Variants in PTPRN2 observed in about 807,000 individuals in gnomAD.
The protein encoded by PTPRN2 is protein tyrosine phosphatase receptor type N2.
A neutral mutation model predicts 118.8 loss-of-function variants in PTPRN2; 74 were observed. That is an observed-to-expected ratio of 0.62 (90% CI 0.52 to 0.76). The LOEUF (loss-of-function observed/expected upper bound fraction) is 0.76. Ranked by LOEUF, PTPRN2 falls within the 30% of genes least tolerant of loss-of-function variation. PTPRN2 has a pLI of 0.00. For missense variants in PTPRN2, 1,481 were observed against 1,394.4 expected (o/e 1.06, Z -0.99); for synonymous variants, 641 against 608.0 (o/e 1.05, Z -0.80).
At chr7:158,384,009 C>A (rs1811147552) in intron 2 of PTPRN2, among the ~76,000 whole-genome samples, 2 of 152,284 alleles carry the variant, frequency 1.3e-5, no homozygotes, top group East Asian at 3.9e-4. Context: ...CTGTTGAGAA[C>A]CTTGACCATT....
At chr7:158,347,789 A>T (rs1202462533) in intron 2 of PTPRN2, among the ~76,000 whole-genome samples, 1 of 152,184 alleles carries the variant, frequency 6.6e-6, no homozygotes, top group Admixed American at 6.5e-5. Flanking sequence ...TCACCATCTC[A>T]TAGTTTTCAG....
At chr7:158,249,096 A>C (rs144833056) in intron 3 of PTPRN2, among the ~76,000 whole-genome samples, 14 of 151,492 alleles carry the variant, frequency 9.2e-5, no homozygotes, top group Non-Finnish European at 1.0e-4. Context: ...ACACATATGC[A>C]CACATCACAC....
At chr7:158,018,675 A>T (rs1327177984) in intron 11 of PTPRN2, among the ~76,000 whole-genome samples, 1 of 152,152 alleles carries the variant, frequency 6.6e-6, no homozygotes, top group African/African-American at 2.4e-5. Flanking sequence ...AATATAAGAA[A>T]GTAGGCCAGG....
At position 158,150,583 on chromosome 7, in the gene PTPRN2, C is replaced by A. The variant is rs148258215; in HGVS notation, c.911-12068G>T. Among the ~76,000 whole-genome samples, 1,212 of 152,214 alleles carry A rather than the reference C, an allele frequency of 8.0e-3. 6 individuals carry two copies. Among genetic ancestry groups the A allele is most frequent in the Non-Finnish European group, 0.011 (722 of 67,990 alleles). ...TGGGCATTTCTAGAAGGTCAAGGAG[C>A]ATCTATATGGAAAGACCTTTTCTCC... On this transcript the variant is annotated intron_variant, in intron 6 of 22. Coordinates refer to ENST00000389418, the MANE Select transcript of PTPRN2 (RefSeq NM_002847.5).
chr7:157,875,275 T>C (rs1795687128), intron 12 of PTPRN2, among the ~76,000 whole-genome samples: 1 of 152,152 alleles, frequency 6.6e-6, no homozygotes, highest in African/African-American at 2.4e-5. Flanking sequence ...GGGGGCTCCT[T>C]CTTCAAACAA....
intron 13 of PTPRN2, among the ~76,000 whole-genome samples, chr7:157,680,647 C>T (rs1019420175): frequency 5.9e-5 from 9 of 152,220 alleles, no homozygotes; most frequent in African/African-American, 1.9e-4. Flanking sequence ...AGAACTTTCT[C>T]ACCGGGAAAC....
intron 2 of PTPRN2, among the ~76,000 whole-genome samples, chr7:158,412,861 G>A (rs1304376589): frequency 7.1e-6 from 1 of 140,764 alleles, no homozygotes; most frequent in African/African-American, 2.7e-5. Flanking sequence ...CTCAGCACCA[G>A]GGCCCATCTC....
chr7:158,321,476 A>G (rs913865426), intron 2 of PTPRN2, among the ~76,000 whole-genome samples: 6 of 151,968 alleles, frequency 3.9e-5, no homozygotes, highest in Admixed American at 3.3e-4. Flanking sequence ...GCCCGGACTG[A>G]CCCGTCCAGC....
intron 12 of PTPRN2, among the ~76,000 whole-genome samples, chr7:157,775,200 G>A (rs1803123945): frequency 6.6e-6 from 1 of 152,194 alleles, no homozygotes; most frequent in African/African-American, 2.4e-5. Context: ...CCACTCTGCA[G>A]GACGCCGTGT....
At chr7:158,351,884 CTG>C in intron 2 of PTPRN2, among the ~76,000 whole-genome samples, 2 of 86,754 alleles carry the variant, frequency 2.3e-5, no homozygotes, top group South Asian at 8.3e-4. Context: ...CCCCTCCTGT[CTG>C]CTCGCCTCCT....
intron 11 of PTPRN2, chr7:158,030,173 A>G (rs1167404549): frequency 6.6e-6 from 1 of 152,168 alleles, no homozygotes; most frequent in African/African-American, 2.4e-5. Context: ...CCGCCTGGTG[A>G]CCTCATTTCC....
chr7:158,340,877 ACT>A (rs1806618046), intron 2 of PTPRN2, among the ~76,000 whole-genome samples: 1 of 85,018 alleles, frequency 1.2e-5, no homozygotes, highest in African/African-American at 4.4e-5. Context: ...TCACACCCAC[ACT>A]CTCACCATAA....
intron 12 of PTPRN2, among the ~76,000 whole-genome samples, chr7:157,817,687 C>T (rs899651982): frequency 3.9e-5 from 6 of 152,210 alleles, no homozygotes; most frequent in African/African-American, 1.4e-4. Flanking sequence ...GGTGAGGGGG[C>T]CAAGGAGAGC....
In PTPRN2 at chr7:158,525,459, G is replaced by A. The variant is rs928463813; in HGVS notation, c.113-35674C>T. ...AAGGACGGAAAGTGGGACCAAGGCT[G>A]AGCCGCTCCGCACCCCTCGCTCTAC... On this transcript the variant is annotated intron_variant, in intron 1 of 22. Coordinates refer to ENST00000389418, the MANE Select transcript of PTPRN2 (RefSeq NM_002847.5). The surrounding 1 kb of genome is among the most constrained non-coding windows in gnomAD (Gnocchi z 4.1). Among the ~76,000 whole-genome samples the A allele has an allele frequency of 2.2e-4, 34 of 152,134 alleles. No homozygotes were observed. The highest frequency in any genetic ancestry group is 2.6e-4 in the Non-Finnish European group (18 of 68,028).
At chr7:157,712,113 C>T (rs10281789) in intron 12 of PTPRN2, among the ~76,000 whole-genome samples, 1 of 10,514 alleles carries the variant, frequency 9.5e-5, no homozygotes, top group Non-Finnish European at 1.9e-4. Flanking sequence ...GGGGCTGCGT[C>T]GTGGAAGGGG....
intron 20 of PTPRN2, among the ~76,000 whole-genome samples, chr7:157,569,458 C>T (rs1422593281): frequency 6.6e-6 from 1 of 152,220 alleles, no homozygotes; most frequent in African/African-American, 2.4e-5. Flanking sequence ...TGCCTGCCAC[C>T]CCTTCTAAAC....
intron 2 of PTPRN2, among the ~76,000 whole-genome samples, chr7:158,345,025 G>C (rs1223321717): frequency 6.6e-6 from 1 of 152,194 alleles, no homozygotes; most frequent in Non-Finnish European, 1.5e-5. Context: ...GCGGACACCT[G>C]GGACCGCAGT....
At chr7:158,147,335 CG>C (rs1820205256) in intron 6 of PTPRN2, among the ~76,000 whole-genome samples, 1 of 63,342 alleles carries the variant, frequency 1.6e-5, no homozygotes, top group East Asian at 4.4e-4. Context: ...TCCCCCTCAC[CG>C]ACACCCCATC....
At chr7:157,725,568 T>C (rs1435057143) in intron 12 of PTPRN2, among the ~76,000 whole-genome samples, 8 of 121,702 alleles carry the variant, frequency 6.6e-5, no homozygotes, top group African/African-American at 2.5e-4. Flanking sequence ...CGCAGAGGAG[T>C]GAGCCAGACC....
Sources: allele counts gnomAD v4.1 joint callset (sites outside exome capture counted in the v4.1 genomes callset), GRCh38; gene constraint gnomAD v4.1.1; non-coding constraint Gnocchi (gnomAD v3.1); transcripts MANE v1.5; gene names NCBI Gene and HGNC (gene_info 2026-07-23, HGNC 2026-07-21).